Variants in DLGAP2 observed in about 807,000 individuals in gnomAD.
The protein encoded by DLGAP2 is disks large-associated protein 2.
DLGAP2 carries 26 observed loss-of-function variants against 100.3 expected under a neutral mutation model. The ratio of observed to expected loss-of-function variants is 0.26; its 90% CI spans 0.19 to 0.36. The LOEUF (loss-of-function observed/expected upper bound fraction) is 0.36, where lower values mean the gene tolerates loss of function less well. Ranked by LOEUF, DLGAP2 falls within the 10% of genes least tolerant of loss-of-function variation. The pLI is 1.00. For synonymous variants in DLGAP2, 886 were observed against 630.1 expected (o/e 1.41, Z -6.08); for missense variants, 1,858 against 1,453.2 (o/e 1.28, Z -4.53).
chr8:1,693,635 G>A (rs1017866993), intron 13 of DLGAP2, among the ~76,000 whole-genome samples: 1 of 152,140 alleles, frequency 6.6e-6, no homozygotes, highest in Admixed American at 6.5e-5. Flanking sequence ...ATCAAAGGAT[G>A]CACAAGCAAG....
At chr8:1,172,432 C>T (rs994834403) in intron 2 of DLGAP2, among the ~76,000 whole-genome samples, 3 of 151,856 alleles carry the variant, frequency 2.0e-5, no homozygotes, top group African/African-American at 4.8e-5. Flanking sequence ...TGTTGGCCTG[C>T]CTTGCTAGAT....
chr8:970,168 T>G (rs572165438), intron 2 of DLGAP2, among the ~76,000 whole-genome samples: 7 of 152,324 alleles, frequency 4.6e-5, no homozygotes, highest in Admixed American at 3.9e-4. Flanking sequence ...ACCAGCAGCT[T>G]CTTTGCTGAG....
Position 1,317,192 on chromosome 8 carries a change from G to A in DLGAP2, c.106+58309G>A, listed in dbSNP as rs559737603. ...AAAATAGAGCGTGTGTGAGTGCAGC[G>A]TCTCTCCAACAGTGGTCTACACTCG... On this transcript the variant is annotated intron_variant, in intron 3 of 14. Coordinates refer to ENST00000637795, the MANE Select transcript of DLGAP2 (RefSeq NM_001346810.2). 4.8e-5 allele frequency among the ~76,000 whole-genome samples: 6 copies of A among 124,514 alleles called. 1 individual carries two copies. The highest frequency in any genetic ancestry group is 9.9e-5 in the African/African-American group (3 of 30,248). 81.7% of individuals were successfully genotyped at this position (124,514 alleles called of 152,430 possible).
chr8:1,689,597 G>T (rs956300361), intron 12 of DLGAP2, among the ~76,000 whole-genome samples: 1 of 152,130 alleles, frequency 6.6e-6, no homozygotes, highest in African/African-American at 2.4e-5. Flanking sequence ...AGGGTGTGTC[G>T]TGTAGGTTAG....
intron 2 of DLGAP2, among the ~76,000 whole-genome samples, chr8:974,783 A>G (rs1800121055): frequency 6.6e-6 from 1 of 152,232 alleles, no homozygotes; most frequent in African/African-American, 2.4e-5. Flanking sequence ...CATTGAATAC[A>G]TATTTAGAAA....
chr8:1,507,071 G>C (rs894486433), intron 4 of DLGAP2, among the ~76,000 whole-genome samples: 17 of 152,256 alleles, frequency 1.1e-4, no homozygotes, highest in African/African-American at 3.9e-4. Flanking sequence ...AGTTCTCCAA[G>C]TCCCCACCGG....
rs140775158 is a variant in DLGAP2, at chr8:1,483,452, G to A, written c.107-17914G>A. Among the ~76,000 whole-genome samples the A allele has an allele frequency of 2.3e-4, 34 of 147,968 alleles. No homozygotes were observed. In the East Asian group the frequency reaches 3.1e-3, roughly 14 times the overall value. The stretch of plus-strand genomic sequence containing the variant: ...TGAACTGCTGTGTAAGAGGCTCAGG[G>A]AGCAGGACCTGAGGGCGTCTCCACA... On this transcript the variant is annotated intron_variant, in intron 3 of 14. Coordinates refer to ENST00000637795, the MANE Select transcript of DLGAP2 (RefSeq NM_001346810.2).
intron 3 of DLGAP2, among the ~76,000 whole-genome samples, chr8:1,389,683 C>T (rs13276952): frequency 6.6e-6 from 1 of 151,914 alleles, no homozygotes; most frequent in Non-Finnish European, 1.5e-5. Flanking sequence ...GAGAGACAAG[C>T]ACTGCCTGTC....
chr8:786,486 C>T (rs1022663442), intron 1 of DLGAP2, among the ~76,000 whole-genome samples: 4 of 152,182 alleles, frequency 2.6e-5, no homozygotes, highest in Admixed American at 6.5e-5. Context: ...GTTTTCTTCC[C>T]ACCCCCACAT....
At chr8:1,683,462 G>A (rs188803887) in intron 12 of DLGAP2, among the ~76,000 whole-genome samples, 3 of 151,518 alleles carry the variant, frequency 2.0e-5, no homozygotes, top group Non-Finnish European at 3.0e-5. Context: ...TCTGTGGCCG[G>A]GGCATTCCCC....
At chr8:1,219,231 C>T (rs1414494808) in intron 2 of DLGAP2, among the ~76,000 whole-genome samples, 1 of 152,126 alleles carries the variant, frequency 6.6e-6, no homozygotes, top group Non-Finnish European at 1.5e-5. Context: ...AGCTTTTACC[C>T]ATTCAATATG....
At chr8:1,081,145 C>T (rs1388903894) in intron 2 of DLGAP2, among the ~76,000 whole-genome samples, 1 of 152,094 alleles carries the variant, frequency 6.6e-6, no homozygotes, top group East Asian at 1.9e-4. Context: ...ACCTTTCTTA[C>T]TGTTTTCTCG....
At chr8:1,186,103 C>T (rs908018473) in intron 2 of DLGAP2, among the ~76,000 whole-genome samples, 3 of 152,304 alleles carry the variant, frequency 2.0e-5, no homozygotes, top group Non-Finnish European at 2.9e-5. Flanking sequence ...CCTCCCCACT[C>T]GGTGGCCTCG....
At chr8:1,365,822 C>T (rs1308427652) in intron 3 of DLGAP2, among the ~76,000 whole-genome samples, 1 of 152,212 alleles carries the variant, frequency 6.6e-6, no homozygotes. Context: ...CATGTCGGGG[C>T]CCTGGGGGGC....
intron 3 of DLGAP2, among the ~76,000 whole-genome samples, chr8:1,322,022 T>C (rs757581419): frequency 1.3e-5 from 2 of 152,214 alleles, no homozygotes; most frequent in Non-Finnish European, 2.9e-5. Flanking sequence ...TTATATCTTT[T>C]GTAATCTCCA....
intron 2 of DLGAP2, among the ~76,000 whole-genome samples, chr8:924,381 C>A (rs1419716429): frequency 1.3e-5 from 2 of 152,048 alleles, no homozygotes; most frequent in Non-Finnish European, 2.9e-5. Flanking sequence ...CTCTCGGAGC[C>A]CTGGGCTTGG....
chr8:870,850 A>AC (rs1362119864), intron 1 of DLGAP2, among the ~76,000 whole-genome samples: 5 of 151,832 alleles, frequency 3.3e-5, no homozygotes, highest in African/African-American at 1.2e-4. Context: ...TCTTTCCCTC[A>AC]CCGCTGATAA....
At chr8:770,572 C>T (rs866157713) in intron 1 of DLGAP2, among the ~76,000 whole-genome samples, 3 of 152,198 alleles carry the variant, frequency 2.0e-5, no homozygotes, top group Non-Finnish European at 4.4e-5. Flanking sequence ...CTTGGTGTCT[C>T]CTTGGCAGTT....
chr8:1,453,993 G>A (rs553765344), intron 3 of DLGAP2, among the ~76,000 whole-genome samples: 2 of 152,348 alleles, frequency 1.3e-5, no homozygotes, highest in East Asian at 1.9e-4. Flanking sequence ...GTCGGCTGGC[G>A]TGGCCTCCTG....
Sources: gnomAD v4.1 joint callset for allele counts (sites outside exome capture counted in the v4.1 genomes callset) on GRCh38, gnomAD v4.1.1 for gene constraint, MANE v1.5 for transcripts, NCBI Gene and HGNC (gene_info 2026-07-23, HGNC 2026-07-21) for gene names.